Variants in KLHL29 observed in about 807,000 individuals in gnomAD.
The protein encoded by KLHL29 is kelch like family member 29, also known as kelch-like protein 29.
In KLHL29, 21 loss-of-function variants were observed where a neutral mutation model predicts 80.4. That is an observed-to-expected ratio of 0.26 (90% CI 0.19 to 0.38). KLHL29 has a LOEUF of 0.38. Ranked by LOEUF, KLHL29 falls within the 10% of genes least tolerant of loss-of-function variation. KLHL29 has a pLI of 1.00. For synonymous variants in KLHL29, 511 were observed against 526.8 expected (o/e 0.97, Z 0.41); for missense variants, 867 against 1,223.9 (o/e 0.71, Z 4.35).
chr2:23,418,589 A>T (rs1020436733), intron 1 of KLHL29, among the ~76,000 whole-genome samples: 1 of 152,162 alleles, frequency 6.6e-6, no homozygotes, highest in African/African-American at 2.4e-5. Flanking sequence ...TGACACAGGA[A>T]TTTTCTTTGT....
At chr2:23,423,838 C>G (rs866217075) in intron 1 of KLHL29, among the ~76,000 whole-genome samples, 1 of 152,222 alleles carries the variant, frequency 6.6e-6, no homozygotes, top group Non-Finnish European at 1.5e-5. Context: ...CCAGGCTCCT[C>G]CACCACACAT....
chr2:23,559,799 G>A (rs949736134), intron 2 of KLHL29, among the ~76,000 whole-genome samples: 5 of 152,050 alleles, frequency 3.3e-5, no homozygotes, highest in Admixed American at 6.6e-5. Context: ...AAGAGGGGAT[G>A]GAGGGATGAG....
chr2:23,463,164 A>T (rs1317042330), intron 1 of KLHL29, among the ~76,000 whole-genome samples: 3 of 150,384 alleles, frequency 2.0e-5, no homozygotes, highest in African/African-American at 7.3e-5. Flanking sequence ...CACTTTTTGA[A>T]TGTGAGGATT....
intron 2 of KLHL29, among the ~76,000 whole-genome samples, chr2:23,489,250 G>C (rs1665025302): frequency 6.6e-6 from 1 of 152,102 alleles, no homozygotes; most frequent in Admixed American, 6.5e-5. Flanking sequence ...TGATGTGCTG[G>C]GAGGAAGGGC....
chr2:23,492,029 C>T (rs1665118205), intron 2 of KLHL29, among the ~76,000 whole-genome samples: 2 of 152,206 alleles, frequency 1.3e-5, no homozygotes, highest in Non-Finnish European at 2.9e-5. Context: ...ACCATGGGCT[C>T]CCTGCCTCCA....
intron 1 of KLHL29, among the ~76,000 whole-genome samples, chr2:23,412,469 G>T (rs993772306): frequency 1.3e-5 from 2 of 152,110 alleles, no homozygotes; most frequent in Non-Finnish European, 2.9e-5. Flanking sequence ...TGGGCTGCAG[G>T]GCTCAAACTT....
At position 23,385,199 on chromosome 2, in the gene KLHL29, C is replaced by G. The variant is rs200151506; in HGVS notation, c.-735C>G. On this transcript the variant is annotated 5_prime_UTR_variant, in exon 1 of 14. Transcript: ENST00000486442. ...AAAGCAGACGGTACCCGGAGCGGAG[C>G]GAGCCAGAAGGGAGCATGGTCCCCG... is the stretch of plus-strand genomic sequence containing the variant. 6.7e-6 allele frequency: 1 copy of G among 148,430 alleles called. No homozygotes were observed. The highest frequency in any genetic ancestry group is 1.5e-5 in the Non-Finnish European group (1 of 66,458). 9.2% of individuals were successfully genotyped at this position (148,430 alleles called of 1,614,324 possible).
intron 2 of KLHL29, chr2:23,524,035 T>C (rs1427760883): frequency 2.1e-6 from 1 of 471,504 alleles, no homozygotes; most frequent in Non-Finnish European, 4.4e-6. Flanking sequence ...GAGTTTTTTT[T>C]ACCAGCATGC....
At chr2:23,481,571 A>C (rs1664798617) in intron 2 of KLHL29, among the ~76,000 whole-genome samples, 1 of 152,160 alleles carries the variant, frequency 6.6e-6, no homozygotes, top group Non-Finnish European at 1.5e-5. Context: ...GTAACCCCAC[A>C]ATGGGTAATT....
At chr2:23,445,408 A>T (rs995339073) in intron 1 of KLHL29, among the ~76,000 whole-genome samples, 15 of 152,186 alleles carry the variant, frequency 9.9e-5, no homozygotes, top group African/African-American at 3.6e-4. Context: ...CCGCTTTTTA[A>T]TATAGCCTTG....
At chr2:23,505,453 G>A (rs1420430804) in intron 2 of KLHL29, among the ~76,000 whole-genome samples, 1 of 152,216 alleles carries the variant, frequency 6.6e-6, no homozygotes, top group African/African-American at 2.4e-5. Flanking sequence ...ATGGCTGCAG[G>A]TGTGCCGCTT....
At chr2:23,518,474 C>T (rs1666005376) in intron 2 of KLHL29, among the ~76,000 whole-genome samples, 3 of 152,200 alleles carry the variant, frequency 2.0e-5, no homozygotes, top group South Asian at 2.1e-4. Context: ...CTCAGGCCCT[C>T]GCTTTCCTCT....
intron 3 of KLHL29, among the ~76,000 whole-genome samples, chr2:23,606,177 A>G (rs906603578): frequency 1.6e-5 from 2 of 125,364 alleles, no homozygotes; most frequent in African/African-American, 6.3e-5. Flanking sequence ...TGTGCGTGAG[A>G]GAGAGAGAGA....
Position 23,514,687 on chromosome 2 carries a change from A to G in KLHL29, c.-46+39020A>G, listed in dbSNP as rs115734083. 7.3e-3 allele frequency among the ~76,000 whole-genome samples: 1,109 copies of G among 152,186 alleles called. 19 individuals carry two copies. Among genetic ancestry groups the G allele is most frequent in the African/African-American group, 0.025 (1,057 of 41,526 alleles). On this transcript the variant is annotated intron_variant, in intron 2 of 13. Coordinates refer to ENST00000486442, the MANE Select transcript of KLHL29 (RefSeq NM_052920.2). ...TGATGTTGCTTGATTTCTTTGAGGC[A>G]CCGTTAGGAAGAAGGTCAGTGTGTC...
At chr2:23,480,702 C>G (rs1214579796) in intron 2 of KLHL29, among the ~76,000 whole-genome samples, 2 of 152,154 alleles carry the variant, frequency 1.3e-5, no homozygotes, top group East Asian at 1.9e-4. Flanking sequence ...TGTAATTTGT[C>G]TCATCTTTCA....
intron 1 of KLHL29, among the ~76,000 whole-genome samples, chr2:23,464,414 G>C (rs1009029728): frequency 6.6e-6 from 1 of 152,024 alleles, no homozygotes; most frequent in Non-Finnish European, 1.5e-5. Flanking sequence ...AGCTGCCTTC[G>C]GGGGGGATAA....
At chr2:23,418,236 A>G (rs546550654) in intron 1 of KLHL29, among the ~76,000 whole-genome samples, 5 of 151,818 alleles carry the variant, frequency 3.3e-5, no homozygotes, top group African/African-American at 1.2e-4. Context: ...TCCTACCTGG[A>G]CCCCGCCATG....
chr2:23,521,887 C>T lies in KLHL29; in HGVS notation c.-45-40265C>T, dbSNP rs868070551. On this transcript the variant is annotated intron_variant, in intron 2 of 13. Coordinates refer to ENST00000486442, the MANE Select transcript of KLHL29 (RefSeq NM_052920.2). ...AGGGGTCCCGTAGAGGTAGTTGGGA[C>T]GTTTATCCCTGAACTAAATGGTCAA... Among the ~76,000 whole-genome samples, 10 of 152,286 alleles carry T rather than the reference C, an allele frequency of 6.6e-5. No homozygotes were observed. In the Middle Eastern group the frequency reaches 0.01, roughly 155 times the overall value.
chr2:23,695,793 G>A lies in KLHL29; in HGVS notation c.1713G>A (p.Thr571=), dbSNP rs762905772. The A allele has an allele frequency of 4.1e-5, 63 of 1,550,408 alleles. No individual in the cohort carries two copies. The highest frequency in any genetic ancestry group is 3.3e-4 in the South Asian group (28 of 84,014). The change falls in exon 9 of 14, where the codon ACG becomes ACA. Residue 571 remains threonine, a synonymous_variant. Transcript: ENST00000486442. The surrounding 1 kb of genome is among the most constrained non-coding windows in gnomAD (Gnocchi z 7.6). ...CCCACGCCCGCCAGGAGATGCAGAC[G>A]CCCCGAACCCGGCCGCGCCTCTCTG... ...MLPHARQEMQ[T]PRTRPRLSAG...
Sources: allele counts gnomAD v4.1 joint callset (sites outside exome capture counted in the v4.1 genomes callset), GRCh38; gene constraint gnomAD v4.1.1; non-coding constraint Gnocchi (gnomAD v3.1); transcripts MANE v1.5; gene names NCBI Gene and HGNC (gene_info 2026-07-23, HGNC 2026-07-21).